Variants in ZNF512B observed in about 807,000 individuals in gnomAD.
ZNF512B encodes zinc finger protein 512B.
A neutral mutation model predicts 87.8 loss-of-function variants in ZNF512B; 22 were observed. That is an observed-to-expected ratio of 0.25 (90% CI 0.18 to 0.36). The LOEUF is 0.36. Ranked by LOEUF, ZNF512B falls within the 10% of genes least tolerant of loss-of-function variation. The pLI is 1.00. For missense variants in ZNF512B, 1,060 were observed against 1,231.6 expected (o/e 0.86, Z 2.09); for synonymous variants, 524 against 490.9 (o/e 1.07, Z -0.89).
At chr20:63,967,295 G>C in intron 3 of ZNF512B, 86 bp downstream of exon 3, 3 of 1,504,888 alleles carry the variant, frequency 2.0e-6, no homozygotes, top group Non-Finnish European at 2.7e-6. Context: ...GTTGGTACCA[G>C]ATGTGCAGAG....
At chr20:63,962,883 C>T in intron 12 of ZNF512B, 102 bp from the exon 13 acceptor site, 1 of 1,323,988 alleles carries the variant, frequency 7.6e-7, no homozygotes. Flanking sequence ...CACAGGCCTC[C>T]CAGTGTGCTG....
chr20:63,966,283 T>C lies in ZNF512B; in HGVS notation c.892A>G (p.Arg298Gly). The change falls in exon 5 of 17, where the codon AGG (arginine) becomes GGG (glycine). Residue 298 changes from arginine (R) to glycine (G), a missense_variant. Arg to Gly is a moderately radical substitution (Grantham distance 125). Transcript: ENST00000369888. The part of the protein sequence containing the change: ...VPVTKPVTVS[R>G]PIVVSKPVTV... ...ACCGGCTTGCTGACCACAATGGGCC[T>C]GCTGACTGTCACTGGCTTGGTGACC... 1 of 1,612,704 alleles carries C rather than the reference T, an allele frequency of 6.2e-7. No homozygotes were observed. Among genetic ancestry groups the C allele is most frequent in the Non-Finnish European group, 8.5e-7 (1 of 1,179,266 alleles).
chr20:63,964,028 C>A, intron 8 of ZNF512B, 43 bp downstream of exon 8: 1 of 1,595,076 alleles, frequency 6.3e-7, no homozygotes, highest in Non-Finnish European at 8.5e-7. Flanking sequence ...GGGATCTACC[C>A]GCCGTCTAGA....
intron 16 of ZNF512B, 50 bp from the exon 17 acceptor site, chr20:63,960,189 C>T (rs1322864881): frequency 6.2e-7 from 1 of 1,604,846 alleles, no homozygotes; most frequent in Non-Finnish European, 8.5e-7. Flanking sequence ...TGCTGAGCAC[C>T]TGAGCCAGGC....
At position 63,962,567 on chromosome 20, in the gene ZNF512B, C is replaced by T. The variant is rs1352747549; in HGVS notation, c.2163+20G>A. 3 of 1,598,338 alleles carry T rather than the reference C, an allele frequency of 1.9e-6. No homozygotes were observed. In the East Asian group the frequency reaches 6.7e-5, roughly 36 times the overall value. ...GCAGAGGCCACGGCGCTGTCCACAG[C>T]CCTGGGGGGGGCAGCTCACCCGTGC... On this transcript the variant is annotated intron_variant, in intron 13 of 16. Transcript: ENST00000369888.
rs755390666 is a variant in ZNF512B at position 63,963,429 on chromosome 20, G to A, written c.1710C>T (p.Ala570=). Reference sequence around the variant, plus strand: ...CCTGCTCGCCCCCTTCGGAGGCCTCGGCGTCAGAGGGCTGGGGACAGGGTG... The same window carrying A: ...CCTGCTCGCCCCCTTCGGAGGCCTCAGCGTCAGAGGGCTGGGGACAGGGTG... ...MAEHSAKPSD[A]EASEGGEQEE... The change falls in exon 11 of 17, where the codon GCC becomes GCT. Residue 570 remains alanine, a synonymous_variant. Transcript: ENST00000369888. 1.3e-5 allele frequency: 20 copies of A among 1,547,342 alleles called. No individual in the cohort carries two copies. Among genetic ancestry groups the A allele is most frequent in the Admixed American group, 7.7e-5 (4 of 51,746 alleles).
At chr20:63,968,079 G>C in intron 1 of ZNF512B, 127 bp from the exon 2 acceptor site, 2 of 1,263,252 alleles carry the variant, frequency 1.6e-6, no homozygotes, top group Non-Finnish European at 2.2e-6. Context: ...CCTTCCTGTG[G>C]TTTTGTTCAC....
At chr20:63,960,624 G>A (rs1388652696) in intron 16 of ZNF512B, among the ~76,000 whole-genome samples, 3 of 121,698 alleles carry the variant, frequency 2.5e-5, no homozygotes, top group Admixed American at 8.2e-5. Context: ...GGACCAGGCA[G>A]GCACCTGCCG....
At position 63,963,804 on chromosome 20, in the gene ZNF512B, C is replaced by G; in HGVS notation, c.1590G>C (p.Met530Ile). The G allele has an allele frequency of 6.2e-7, 1 of 1,613,000 alleles. No homozygotes were observed. Among genetic ancestry groups the G allele is most frequent in the Non-Finnish European group, 8.5e-7 (1 of 1,179,976 alleles). Residue 530 changes from methionine to isoleucine, a missense_variant, in exon 9 of 17, where the codon ATG becomes ATC. By Grantham distance (10) the Met-to-Ile change is conservative. This residue lies in a region of ZNF512B where 37 missense variants were observed against 72.6 expected (regional missense o/e 0.51). Transcript: ENST00000369888. ...GCTGCCTTACCTTCTGACACACCTC[C>G]ATGTGCTTCTTAAGCCCCACGAGAG... ...RKTLVGLKKH[M>I]EVCQKLQDAL...
chr20:63,962,137 G>A, intron 14 of ZNF512B, 133 bp from the exon 15 acceptor site: 3 of 1,300,518 alleles, frequency 2.3e-6, no homozygotes, highest in Non-Finnish European at 3.2e-6. Flanking sequence ...GGACTGGGCA[G>A]GCTGGGCATG....
At chr20:63,962,252 C>G (rs767383980) in intron 14 of ZNF512B, 21 bp downstream of exon 14, 12 of 1,595,280 alleles carry the variant, frequency 7.5e-6, no homozygotes, top group Middle Eastern at 1.8e-4. Flanking sequence ...CCACGCCCCC[C>G]ACCCGGCTGC....
chr20:63,959,862 T>C lies in ZNF512B; in HGVS notation c.*26A>G, dbSNP rs1262478110. On this transcript the variant is annotated 3_prime_UTR_variant, in exon 17 of 17. Coordinates refer to ENST00000369888, the MANE Select transcript of ZNF512B (RefSeq NM_020713.3). Reference sequence around the variant, plus strand: ...AACAGAGGGCGGTGTGGCGGCTGCATGGGGGCCAGGCCCCACGCACCATGC... The same window carrying C: ...AACAGAGGGCGGTGTGGCGGCTGCACGGGGGCCAGGCCCCACGCACCATGC... The C allele has an allele frequency of 2.0e-6, 3 of 1,530,856 alleles. No individual in the cohort carries two copies. The African/African-American group carries it at 4.1e-5, about 21-fold the overall frequency. 94.8% of individuals were successfully genotyped at this position (1,530,856 alleles called of 1,614,324 possible). A position where few individuals can be genotyped will look rare whatever the true frequency, so the allele number is the denominator to read the frequency against.
intron 8 of ZNF512B, 78 bp downstream of exon 8, chr20:63,963,993 C>A: frequency 6.3e-7 from 1 of 1,595,582 alleles, no homozygotes; most frequent in Non-Finnish European, 8.5e-7. Context: ...CCAGTCTCCA[C>A]ACTCAGCCCC....
At chr20:63,962,526 C>T in intron 13 of ZNF512B, 61 bp downstream of exon 13, 2 of 1,565,060 alleles carry the variant, frequency 1.3e-6, no homozygotes, top group East Asian at 4.6e-5. Context: ...AAGTCTCAGG[C>T]CAAGGCATGC....
At position 63,964,146 on chromosome 20, in the gene ZNF512B, C is replaced by T. The variant is rs375990139; in HGVS notation, c.1405G>A (p.Ala469Thr). ...KKQEGPGPED[A>T]RKKVPAAPIT... The stretch of plus-strand genomic sequence containing the variant: ...GGGGCAGCTGGCACCTTCTTCCGGG[C>T]GTCCTCAGGGCCTGGCCCCTCCTGC... The change falls in exon 8 of 17, where the codon GCC (alanine) becomes ACC (threonine). Residue 469 changes from alanine (A) to threonine (T), a missense_variant. Transcript: ENST00000369888. 191 of 1,603,376 alleles carry T rather than the reference C, an allele frequency of 1.2e-4. No individual in the cohort carries two copies. Among genetic ancestry groups the T allele is most frequent in the Middle Eastern group, 1.7e-4 (1 of 5,998 alleles).
rs2058867780 is a variant in ZNF512B, at chr20:63,962,725, C to T, written c.2025G>A (p.Glu675=). 1 of 1,603,106 alleles carries T rather than the reference C, an allele frequency of 6.2e-7. No individual in the cohort carries two copies. The highest frequency in any genetic ancestry group is 1.1e-5 in the South Asian group (1 of 89,320). Residue 675 remains glutamate, a synonymous_variant, in exon 13 of 17, where the codon GAG becomes GAA. Transcript: ENST00000369888. The part of the protein sequence containing the change: ...SPEAEDPLGV[E]RTPSGRVRRT... Reference sequence around the variant, plus strand: ...GGCGGACACGCCCGCTTGGGGTCCGCTCCACACCCAGCGGGTCCTCAGCCT... The same window carrying T: ...GGCGGACACGCCCGCTTGGGGTCCGTTCCACACCCAGCGGGTCCTCAGCCT...
At chr20:63,963,525 C>T (rs527877129) in intron 10 of ZNF512B, 85 bp from the exon 11 acceptor site, 71 of 1,585,948 alleles carry the variant, frequency 4.5e-5, no homozygotes, top group Admixed American at 2.2e-4. Flanking sequence ...GTTGGGCCAC[C>T]GTTGTCCGAG....
Position 63,966,176 on chromosome 20 carries a change from T to C in ZNF512B, c.999A>G (p.Ala333=), listed in dbSNP as rs752584003. 2.5e-6 allele frequency: 4 copies of C among 1,613,340 alleles called. No individual in the cohort carries two copies. The highest frequency in any genetic ancestry group is 2.7e-5 in the African/African-American group (2 of 74,808). The change falls in exon 5 of 17, where the codon GCA becomes GCG. Residue 333 remains alanine (A), a synonymous_variant. Coordinates refer to ENST00000369888, the MANE Select transcript of ZNF512B (RefSeq NM_020713.3). ...CACTGTTCCTCCCTGTGGCACGAGG[T>C]GCTTTGTTCTCCGACCTGGTCAGCA... ...MVLLTRSENK[A]PRATGRNSGK... is the part of the protein sequence containing the mutation.
chr20:63,967,037 G>A (rs375111926), intron 3 of ZNF512B, 33 bp from the exon 4 acceptor site: 27 of 1,610,920 alleles, frequency 1.7e-5, no homozygotes, highest in Admixed American at 1.3e-4. Context: ...CTGCTGACCC[G>A]CAGCCACCTG....
Sources: allele counts gnomAD v4.1 joint callset (sites outside exome capture counted in the v4.1 genomes callset), GRCh38; gene constraint gnomAD v4.1.1; regional missense constraint gnomAD v4.1.1; transcripts MANE v1.5; gene names NCBI Gene and HGNC (gene_info 2026-07-23, HGNC 2026-07-21).